The following LETM1 variants were observed in gnomAD, a reference collection of about 807,000 sequenced individuals.
The protein encoded by LETM1 is mitochondrial proton/calcium exchanger protein.
Under a neutral mutation model 74.5 loss-of-function variants are expected in LETM1, and 50 were observed. That is an observed-to-expected ratio of 0.67 (90% CI 0.53 to 0.85). The LOEUF (loss-of-function observed/expected upper bound fraction) is 0.85. LETM1 is among the 40% of genes least tolerant of loss of function. LETM1 has a pLI of 0.00. For missense variants in LETM1, 824 were observed against 967.8 expected, an observed-to-expected ratio of 0.85 and a Z score of 1.97; for synonymous variants, 446 against 407.1, an observed-to-expected ratio of 1.10 and a Z score of -1.15.
At chr4:1,823,924 C>G (rs1048300457) in intron 7 of LETM1, 149 bp from the exon 8 acceptor site, 1 of 917,324 alleles carries the variant, frequency 1.1e-6, no homozygotes, top group African/African-American at 1.7e-5. Flanking sequence ...CTGCGTGACC[C>G]GATGACGGCG....
rs201689850 is a variant in LETM1 at position 1,816,825 on chromosome 4, C to G, written c.1833G>C (p.Arg611Ser). Residue 611 changes from arginine (R) to serine (S), a missense_variant, in exon 12 of 14, where the codon AGG becomes AGC. Arg to Ser is a moderately radical substitution (Grantham distance 110). This residue lies in a region of LETM1 where 161 missense variants were observed against 252.7 expected (regional missense o/e 0.64). Transcript: ENST00000302787. ...CGATCTGCCCGATCATTTGCTGCAC[C>G]CTTTTTGTCAATCTCTTGCTGGCTT... ...ESKASKRLTK[R>S]VQQMIGQIDG... The G allele has an allele frequency of 1.1e-4, 180 of 1,614,236 alleles. No homozygotes were observed. The highest frequency in any genetic ancestry group is 3.3e-4 in the Middle Eastern group (2 of 6,062).
Position 1,827,108 on chromosome 4 carries a change from G to A in LETM1, c.1081-1425C>T, listed in dbSNP as rs563303554. Among the ~76,000 whole-genome samples the A allele has an allele frequency of 1.3e-3, 203 of 152,260 alleles. 1 individual carries two copies. The highest frequency in any genetic ancestry group is 4.7e-3 in the African/African-American group (195 of 41,542). On this transcript the variant is annotated intron_variant, in intron 6 of 13. Coordinates refer to ENST00000302787, the MANE Select transcript of LETM1 (RefSeq NM_012318.3). The stretch of plus-strand genomic sequence containing the variant: ...TGCTGGGAACTCTTCCTGCTGCGCC[G>A]AGGTACTTTCTCTTACTGTTTCCTT...
chr4:1,815,047 T>C (rs138368539), intron 13 of LETM1, among the ~76,000 whole-genome samples: 49 of 152,322 alleles, frequency 3.2e-4, no homozygotes, highest in Non-Finnish European at 1.3e-4. Context: ...ACCTGATGCA[T>C]GCACCGGGAG....
chr4:1,832,775 A>C lies in LETM1; in HGVS notation c.1049T>G (p.Met350Arg). The change falls in exon 6 of 14, where the codon ATG (methionine) becomes AGG (arginine). Residue 350 changes from methionine to arginine, a missense_variant. Met to Arg is a moderately conservative substitution (Grantham distance 91). This residue lies in a region of LETM1 where 269 missense variants were observed against 348.8 expected (regional missense o/e 0.77). Coordinates refer to ENST00000302787, the MANE Select transcript of LETM1 (RefSeq NM_012318.3). ...TNNFLRFQLT[M>R]RLRSIKADDK... ...GTCTGCCTTTATGGAGCGCAGCCGC[A>C]TGGTAAGCTGGAAGCGCAGGAAGTT... The C allele has an allele frequency of 6.2e-7, 1 of 1,614,206 alleles. No individual in the cohort carries two copies. The highest frequency in any genetic ancestry group is 8.5e-7 in the Non-Finnish European group (1 of 1,180,034).
chr4:1,844,301 G>C (rs926004235), intron 2 of LETM1, among the ~76,000 whole-genome samples: 2 of 152,252 alleles, frequency 1.3e-5, no homozygotes, highest in Non-Finnish European at 2.9e-5. Flanking sequence ...CACTGAGTGA[G>C]ATTCAAGTTT....
chr4:1,836,484 G>C lies in LETM1; in HGVS notation c.683C>G (p.Ala228Gly), dbSNP rs1392267014. The change falls in exon 4 of 14, where the codon GCT (alanine) becomes GGT (glycine). Residue 228 changes from alanine to glycine, a missense_variant. By Grantham distance (60) the Ala-to-Gly change is moderately conservative. Around this residue, in one of 4 missense-constraint regions of LETM1, gnomAD observed 269 missense variants for 348.8 expected, o/e 0.77. Coordinates refer to ENST00000302787, the MANE Select transcript of LETM1 (RefSeq NM_012318.3). The surrounding 1 kb of genome is among the most constrained non-coding windows in gnomAD (Gnocchi z 5.8). ...CAACATGTTGGGGAAGAGCTTCACAGCAACAGGCAGCAGAAACTCCATGAA... is the reference window on the plus strand; with the variant it reads ...CAACATGTTGGGGAAGAGCTTCACACCAACAGGCAGCAGAAACTCCATGAA... ...VPFMEFLLPVAVKLFPNMLPS... is the reference protein window; with the variant it reads ...VPFMEFLLPVGVKLFPNMLPS... The C allele has an allele frequency of 2.5e-6, 4 of 1,614,036 alleles. No homozygotes were observed. The South Asian group carries it at 4.4e-5, about 18-fold the overall frequency.
chr4:1,851,314 G>A (rs1028832740), intron 1 of LETM1, among the ~76,000 whole-genome samples: 2 of 152,178 alleles, frequency 1.3e-5, no homozygotes, highest in South Asian at 2.1e-4. Context: ...CAACAGCCAG[G>A]GAGCAGCAAG....
rs1010336629 is a variant in LETM1 at position 1,838,665 on chromosome 4, G to A, written c.595-2093C>T. ...TGCACTCCAGCCTGGGTGGGGGAGCGAGAACCTGTCTCAAAAATAAAAATA... is the reference window on the plus strand; with the variant it reads ...TGCACTCCAGCCTGGGTGGGGGAGCAAGAACCTGTCTCAAAAATAAAAATA... On this transcript the variant is annotated intron_variant, in intron 3 of 13. Coordinates refer to ENST00000302787, the MANE Select transcript of LETM1 (RefSeq NM_012318.3). Among the ~76,000 whole-genome samples the A allele has an allele frequency of 9.2e-5, 14 of 152,244 alleles. No individual in the cohort carries two copies. The South Asian group carries it at 1.2e-3, about 14-fold the overall frequency.
chr4:1,832,634 G>A (rs556429807), intron 6 of LETM1, 110 bp downstream of exon 6: 16 of 1,071,064 alleles, frequency 1.5e-5, no homozygotes, highest in South Asian at 4.4e-5. Flanking sequence ...GCTTATTTTC[G>A]ATCGTTCAGC....
chr4:1,855,662 C>A (rs985353719), intron 1 of LETM1, among the ~76,000 whole-genome samples: 1 of 152,206 alleles, frequency 6.6e-6, no homozygotes, highest in African/African-American at 2.4e-5. Flanking sequence ...AAGGTCACAA[C>A]ACACGGCAGA....
chr4:1,814,963 T>C (rs11248079), intron 13 of LETM1, among the ~76,000 whole-genome samples: 139,895 of 152,240 alleles, frequency 0.92, 65,354 homozygotes, highest in Non-Finnish European at 0.99. Context: ...GTGCAGTAGA[T>C]ACATGATCCT....
chr4:1,853,160 C>T (rs1713122054), intron 1 of LETM1, among the ~76,000 whole-genome samples: 1 of 151,978 alleles, frequency 6.6e-6, no homozygotes, highest in South Asian at 2.1e-4. Flanking sequence ...ACAAATGGCA[C>T]TGTTGTCCCC....
chr4:1,838,329 A>C (rs543941465), intron 3 of LETM1, among the ~76,000 whole-genome samples: 1 of 151,556 alleles, frequency 6.6e-6, no homozygotes, highest in South Asian at 2.1e-4. Context: ...CGATCTCTTG[A>C]CCTCATGATC....
intron 2 of LETM1, among the ~76,000 whole-genome samples, chr4:1,847,294 T>C (rs984353375): frequency 3.3e-5 from 5 of 151,860 alleles, no homozygotes; most frequent in African/African-American, 7.3e-5. Context: ...TGAGCCATGA[T>C]TGCACCACTG....
chr4:1,815,645 G>C lies in LETM1; in HGVS notation c.2070+19C>G. On this transcript the variant is annotated intron_variant, in intron 13 of 13. Transcript: ENST00000302787. The stretch of plus-strand genomic sequence containing the variant: ...AGAGCAGGTGGCGGATGGCCTGCGT[G>C]GTCCCCAGCGAGGCCCACCTTGACG... The C allele has an allele frequency of 6.2e-7, 1 of 1,613,502 alleles. No individual in the cohort carries two copies. Among genetic ancestry groups the C allele is most frequent in the Middle Eastern group, 1.7e-4 (1 of 5,902 alleles).
rs145288460 is a variant in LETM1 at position 1,824,921 on chromosome 4, T to G, written c.1200+643A>C. On this transcript the variant is annotated intron_variant, in intron 7 of 13. Transcript: ENST00000302787. The stretch of plus-strand genomic sequence containing the variant: ...ACTGTCTGTGTCGAGAGGAGAAGTG[T>G]GTACACACACCTTCATCTACACTTG... 1.7e-4 allele frequency among the ~76,000 whole-genome samples: 26 copies of G among 150,070 alleles called. No individual in the cohort carries two copies. The East Asian group carries it at 4.6e-3, about 26-fold the overall frequency.
chr4:1,815,910 G>T (rs1024483216), intron 12 of LETM1, 108 bp from the exon 13 acceptor site: 3 of 1,393,002 alleles, frequency 2.2e-6, no homozygotes, highest in Non-Finnish European at 3.0e-6. Flanking sequence ...AGGCGGCTCC[G>T]CGTGAGCCAG....
intron 10 of LETM1, among the ~76,000 whole-genome samples, chr4:1,821,128 T>G (rs188704720): frequency 0.029 from 4,380 of 151,240 alleles, 202 homozygotes; most frequent in African/African-American, 0.1. Context: ...GTGAAATTTT[T>G]TTTTTTTTTT....
chr4:1,835,698 T>G (rs1258993480), intron 4 of LETM1, among the ~76,000 whole-genome samples: 1 of 152,212 alleles, frequency 6.6e-6, no homozygotes, highest in Non-Finnish European at 1.5e-5. Context: ...GCCTGTGGGC[T>G]GCAGCTGGCT....
Sources: gnomAD v4.1 joint callset for allele counts (sites outside exome capture counted in the v4.1 genomes callset) on GRCh38, gnomAD v4.1.1 for gene constraint, gnomAD v4.1.1 regional missense constraint, Gnocchi (gnomAD v3.1) non-coding constraint, MANE v1.5 for transcripts, NCBI Gene and HGNC (gene_info 2026-07-23, HGNC 2026-07-21) for gene names.